SH3GL3: variants seen among roughly 807,000 people sequenced by gnomAD.
SH3GL3 encodes the protein endophilin-A3.
A neutral mutation model predicts 47.7 loss-of-function variants in SH3GL3; 33 were observed. The ratio of observed to expected loss-of-function variants is 0.69; its 90% CI spans 0.52 to 0.92. The LOEUF (loss-of-function observed/expected upper bound fraction) is 0.92, where lower values mean the gene tolerates loss of function less well. SH3GL3 is among the 40% of genes least tolerant of loss of function. The pLI, the probability that SH3GL3 is intolerant of heterozygous loss-of-function variation, is 0.00. For synonymous variants in SH3GL3, 155 were observed against 148.8 expected (o/e 1.04, Z -0.30); for missense variants, 363 against 417.8 (o/e 0.87, Z 1.14).
Position 83,483,289 on chromosome 15 carries a change from G to A in SH3GL3, c.45+35711G>A, listed in dbSNP as rs190417584. Among the ~76,000 whole-genome samples the A allele has an allele frequency of 7.2e-5, 11 of 152,274 alleles. No homozygotes were observed. In the East Asian group the frequency reaches 1.2e-3, roughly 16 times the overall value. ...GAGGGCCTTGCTCTAGACCAGTGCGGCCCAGTGCAAACTTTCTGTGCTGAT... is the reference window on the plus strand; with the variant it reads ...GAGGGCCTTGCTCTAGACCAGTGCGACCCAGTGCAAACTTTCTGTGCTGAT... On this transcript the variant is annotated intron_variant, in intron 1 of 8. Coordinates refer to ENST00000427482, the MANE Select transcript of SH3GL3 (RefSeq NM_003027.5).
At chr15:83,548,975 A>G (rs770627086) in intron 1 of SH3GL3, among the ~76,000 whole-genome samples, 8 of 151,686 alleles carry the variant, frequency 5.3e-5, no homozygotes, top group African/African-American at 1.9e-4. Context: ...CTTTCCCTTT[A>G]TGTTTCAATT....
chr15:83,583,250 C>T (rs1276938724), intron 6 of SH3GL3, among the ~76,000 whole-genome samples: 2 of 152,198 alleles, frequency 1.3e-5, no homozygotes, highest in African/African-American at 4.8e-5. Context: ...TCTGTCCTCG[C>T]CATGGGCTTC....
chr15:83,630,336 A>T, the SH3GL3 span, among the ~76,000 whole-genome samples: 1 of 152,206 alleles, frequency 6.6e-6, no homozygotes, highest in African/African-American at 2.4e-5. Flanking sequence ...GATCAATTGG[A>T]CTTCATTAAA....
At chr15:83,632,355 C>T in the SH3GL3 span, among the ~76,000 whole-genome samples, 1 of 152,182 alleles carries the variant, frequency 6.6e-6, no homozygotes, top group Non-Finnish European at 1.5e-5. Context: ...AGGTAATCTC[C>T]TGGTGGAAGA....
chr15:83,624,538 A>G, the SH3GL3 span, among the ~76,000 whole-genome samples: 1 of 152,256 alleles, frequency 6.6e-6, no homozygotes, highest in Non-Finnish European at 1.5e-5. Context: ...AAGCAGGACC[A>G]TTAAAGAGAT....
chr15:83,613,620 AATCTATCTATCTATCTATCTATCT>A (rs71453208), intron 8 of SH3GL3, among the ~76,000 whole-genome samples: 1,885 of 146,908 alleles, frequency 0.013, 34 homozygotes, highest in African/African-American at 0.044. Flanking sequence ...GAAATATATA[AATCTATCTATCTATCTATCTATCT>A]ATCTATCTAT....
At chr15:83,555,160 A>C (rs1375317207) in intron 1 of SH3GL3, among the ~76,000 whole-genome samples, 2 of 151,946 alleles carry the variant, frequency 1.3e-5, no homozygotes, top group Non-Finnish European at 2.9e-5. Context: ...TGTCCCATCT[A>C]TTGGGTTTTT....
At chr15:83,479,649 T>A (rs1220306380) in intron 1 of SH3GL3, among the ~76,000 whole-genome samples, 1 of 152,168 alleles carries the variant, frequency 6.6e-6, no homozygotes, top group Admixed American at 6.5e-5. Context: ...GCCTGGCACA[T>A]GGGCTAATGT....
chr15:83,506,888 C>T (rs1052741467), intron 1 of SH3GL3, among the ~76,000 whole-genome samples: 7 of 151,842 alleles, frequency 4.6e-5, no homozygotes, highest in East Asian at 1.9e-4. Context: ...TGGGGAGCAT[C>T]GCAGCTCTGC....
Position 83,447,720 on chromosome 15 carries a change from G to T in SH3GL3, c.45+142G>T. 2 of 534,118 alleles carry T rather than the reference G, an allele frequency of 3.7e-6. No individual in the cohort carries two copies. The highest frequency in any genetic ancestry group is 6.3e-6 in the Non-Finnish European group (2 of 317,770). The allele number at this position is 534,118 out of a possible 1,614,324, so 33.1% of individuals were successfully genotyped here. A position where few individuals can be genotyped will look rare whatever the true frequency, so the allele number is the denominator to read the frequency against. ...TTCCCGCCTAGGAGGGCGCGAGGGT[G>T]GGGTGAGGGGCCGCCTGCTCTCTCC... On this transcript the variant is annotated intron_variant, in intron 1 of 8. Coordinates refer to ENST00000427482, the MANE Select transcript of SH3GL3 (RefSeq NM_003027.5). This position sits in a 1 kb window ranked among gnomAD's most constrained non-coding sequence, Gnocchi z 5.1.
At chr15:83,478,201 G>C (rs886240609) in intron 1 of SH3GL3, among the ~76,000 whole-genome samples, 1 of 152,176 alleles carries the variant, frequency 6.6e-6, no homozygotes, top group African/African-American at 2.4e-5. Context: ...ACCTACGGGA[G>C]GGCAACTGTT....
chr15:83,488,448 G>A (rs905223648), intron 1 of SH3GL3, among the ~76,000 whole-genome samples: 1 of 152,218 alleles, frequency 6.6e-6, no homozygotes, highest in South Asian at 2.1e-4. Flanking sequence ...TATGTGGTTT[G>A]GATGGGATTC....
At chr15:83,556,693 C>A (rs2044975610) in intron 1 of SH3GL3, among the ~76,000 whole-genome samples, 1 of 152,122 alleles carries the variant, frequency 6.6e-6, no homozygotes, top group African/African-American at 2.4e-5. Flanking sequence ...TCAGCTTTTG[C>A]TATATAACAC....
At chr15:83,584,100 A>G (rs1031944630) in intron 6 of SH3GL3, among the ~76,000 whole-genome samples, 6 of 152,130 alleles carry the variant, frequency 3.9e-5, no homozygotes, top group African/African-American at 1.4e-4. Flanking sequence ...GGGTAGGGCC[A>G]TGTTTGTTCT....
At chr15:83,499,947 C>T (rs1276443570) in intron 1 of SH3GL3, among the ~76,000 whole-genome samples, 1 of 152,176 alleles carries the variant, frequency 6.6e-6, no homozygotes, top group Non-Finnish European at 1.5e-5. Flanking sequence ...TGCATTATTT[C>T]AGGAAAAGGT....
intron 8 of SH3GL3, among the ~76,000 whole-genome samples, chr15:83,590,308 G>A (rs2732160): frequency 0.83 from 125,878 of 151,722 alleles, 53,014 homozygotes; most frequent in Admixed American, 0.89. Flanking sequence ...AGTCAAATGT[G>A]TCTGTCTTTT....
chr15:83,600,043 T>G (rs1054765629), intron 8 of SH3GL3, among the ~76,000 whole-genome samples: 2 of 1,966 alleles, frequency 1.0e-3, no homozygotes, highest in Non-Finnish European at 4.3e-3. Flanking sequence ...GGATTGTTTG[T>G]TTTTTTTCTT....
intron 1 of SH3GL3, among the ~76,000 whole-genome samples, chr15:83,546,007 C>T (rs1051434838): frequency 1.3e-5 from 2 of 152,066 alleles, no homozygotes; most frequent in African/African-American, 2.4e-5. Context: ...GGGTCTTGCC[C>T]AAGATGTATT....
intron 1 of SH3GL3, among the ~76,000 whole-genome samples, chr15:83,501,885 C>T (rs991331530): frequency 7.3e-5 from 11 of 151,556 alleles, no homozygotes; most frequent in African/African-American, 2.2e-4. Context: ...AGTGAGATTC[C>T]GTCTCAAAAA....
Sources: allele counts gnomAD v4.1 joint callset (sites outside exome capture counted in the v4.1 genomes callset), GRCh38; gene constraint gnomAD v4.1.1; non-coding constraint Gnocchi (gnomAD v3.1); transcripts MANE v1.5; gene names NCBI Gene and HGNC (gene_info 2026-07-23, HGNC 2026-07-21).